Variants in LRRIQ3 observed in about 807,000 individuals in gnomAD.
The protein encoded by LRRIQ3 is leucine-rich repeat and IQ domain-containing protein 3.
A neutral mutation model predicts 59.3 loss-of-function variants in LRRIQ3; 75 were observed. The ratio of observed to expected loss-of-function variants is 1.26; its 90% CI spans 1.05 to 1.53. LRRIQ3 has a LOEUF of 1.53. Ranked by LOEUF, LRRIQ3 falls within the 40% of genes most tolerant of loss-of-function variation. The pLI, the probability that LRRIQ3 is intolerant of heterozygous loss-of-function variation, is 0.00. For missense variants in LRRIQ3, 831 were observed against 710.0 expected (o/e 1.17, Z -1.94); for synonymous variants, 250 against 231.3 (o/e 1.08, Z -0.73).
chr1:74,146,205 C>T (rs545640808), intron 4 of LRRIQ3, among the ~76,000 whole-genome samples: 127 of 152,194 alleles, frequency 8.3e-4, no homozygotes, highest in Middle Eastern at 3.4e-3. Flanking sequence ...CAACATGTTT[C>T]TCAGAATGCA....
In LRRIQ3 at chr1:74,160,750, C is replaced by T. The variant is rs75439048; in HGVS notation, c.574-4884G>A. On this transcript the variant is annotated intron_variant, in intron 3 of 7. Transcript: ENST00000354431. Reference sequence around the variant, plus strand: ...TCTGAAGCTCCTAACTGCTCTCACACGAGTCCTATCATATACCATTTGATA... The same window carrying T: ...TCTGAAGCTCCTAACTGCTCTCACATGAGTCCTATCATATACCATTTGATA... Among the ~76,000 whole-genome samples, 577 of 152,138 alleles carry T rather than the reference C, an allele frequency of 3.8e-3. 5 individuals carry two copies. Among genetic ancestry groups the T allele is most frequent in the African/African-American group, 0.013 (545 of 41,498 alleles).
At chr1:74,100,163 G>T (rs568356780) in intron 5 of LRRIQ3, among the ~76,000 whole-genome samples, 1 of 152,062 alleles carries the variant, frequency 6.6e-6, no homozygotes, top group Non-Finnish European at 1.5e-5. Context: ...AAACCCCATC[G>T]TCTCAGCCCC....
At chr1:74,109,245 C>T in intron 5 of LRRIQ3, 149 bp downstream of exon 5, 2 of 662,412 alleles carry the variant, frequency 3.0e-6, no homozygotes, top group Middle Eastern at 6.4e-4. Context: ...TACTATATAA[C>T]TTTTTTCAAT....
At chr1:74,130,242 C>T (rs543098301) in intron 4 of LRRIQ3, among the ~76,000 whole-genome samples, 6 of 152,150 alleles carry the variant, frequency 3.9e-5, no homozygotes, top group South Asian at 2.1e-4. Context: ...CACTTTAGCC[C>T]CGGGTAAGGT....
Position 74,110,467 on chromosome 1 carries a change from T to C in LRRIQ3, c.708-914A>G, listed in dbSNP as rs917153020. Among the ~76,000 whole-genome samples the C allele has an allele frequency of 4.6e-5, 7 of 152,098 alleles. No homozygotes were observed. In the East Asian group the frequency reaches 7.7e-4, roughly 17 times the overall value. On this transcript the variant is annotated intron_variant, in intron 4 of 7. Transcript: ENST00000354431. ...TATATAAGTACACACAGGAAAGTCA[T>C]TGGATAAAATTTAGCAGCCTATTTT...
At chr1:74,040,498 G>T (rs536399029) in intron 7 of LRRIQ3, among the ~76,000 whole-genome samples, 3 of 152,282 alleles carry the variant, frequency 2.0e-5, no homozygotes, top group Non-Finnish European at 4.4e-5. Context: ...ATTCTTCTCA[G>T]TGCCACATGG....
At chr1:74,126,707 G>A (rs2100599232) in intron 4 of LRRIQ3, among the ~76,000 whole-genome samples, 1 of 151,922 alleles carries the variant, frequency 6.6e-6, no homozygotes, top group African/African-American at 2.4e-5. Context: ...TGTCATCAGA[G>A]GAGACACTTG....
intron 4 of LRRIQ3, among the ~76,000 whole-genome samples, chr1:74,121,894 C>G (rs4570371): frequency 0.3 from 45,706 of 151,368 alleles, 7,583 homozygotes; most frequent in Middle Eastern, 0.45. Context: ...TCATCCATGT[C>G]CCTACAAAGG....
chr1:74,039,534 G>T (rs191881320), intron 7 of LRRIQ3, among the ~76,000 whole-genome samples: 1 of 151,994 alleles, frequency 6.6e-6, no homozygotes, highest in East Asian at 1.9e-4. Flanking sequence ...GGCAGCCAGA[G>T]AGAAAGGCCA....
At chr1:74,191,342 C>G (rs1166565994) in intron 1 of LRRIQ3, among the ~76,000 whole-genome samples, 1 of 151,924 alleles carries the variant, frequency 6.6e-6, no homozygotes, top group African/African-American at 2.4e-5. Context: ...ATACTCATAT[C>G]TATGTTAAGA....
intron 4 of LRRIQ3, among the ~76,000 whole-genome samples, chr1:74,114,138 C>T (rs1002853847): frequency 2.0e-5 from 3 of 151,650 alleles, no homozygotes; most frequent in African/African-American, 7.3e-5. Context: ...AGTGAAACTA[C>T]CTCAAATGGT....
At chr1:74,101,656 A>T (rs1329234483) in intron 5 of LRRIQ3, among the ~76,000 whole-genome samples, 2 of 152,172 alleles carry the variant, frequency 1.3e-5, no homozygotes, top group Admixed American at 1.3e-4. Context: ...CTTGGAACCA[A>T]CCCAAATGTC....
chr1:74,121,203 G>C (rs1646850365), intron 4 of LRRIQ3, among the ~76,000 whole-genome samples: 1 of 151,964 alleles, frequency 6.6e-6, no homozygotes, highest in African/African-American at 2.4e-5. Context: ...TTGCTTATTG[G>C]TCTACAGAGA....
intron 4 of LRRIQ3, among the ~76,000 whole-genome samples, chr1:74,140,774 T>C (rs1647223741): frequency 6.6e-6 from 1 of 151,832 alleles, no homozygotes; most frequent in Non-Finnish European, 1.5e-5. Context: ...GTTATTATCA[T>C]ATCAATGTGA....
intron 4 of LRRIQ3, among the ~76,000 whole-genome samples, chr1:74,127,584 AAG>A (rs1384336359): frequency 1.3e-5 from 2 of 151,946 alleles, no homozygotes; most frequent in African/African-American, 4.8e-5. Context: ...TAAACAAAAA[AAG>A]AGAATTGTAA....
chr1:74,030,989 C>T (rs1461924571), intron 7 of LRRIQ3, among the ~76,000 whole-genome samples: 1 of 152,156 alleles, frequency 6.6e-6, no homozygotes, highest in African/African-American at 2.4e-5. Context: ...GACATTTATG[C>T]AGCCAACAGA....
intron 5 of LRRIQ3, among the ~76,000 whole-genome samples, chr1:74,081,170 G>T (rs536919076): frequency 2.0e-5 from 3 of 151,524 alleles, no homozygotes; most frequent in South Asian, 2.1e-4. Flanking sequence ...ACGCAGGAGA[G>T]AATCCAAAAA....
At chr1:74,057,005 C>T (rs1654555741) in intron 6 of LRRIQ3, among the ~76,000 whole-genome samples, 1 of 152,110 alleles carries the variant, frequency 6.6e-6, no homozygotes, top group Non-Finnish European at 1.5e-5. Flanking sequence ...ACCTTGCTTC[C>T]CCTTTGCCTT....
At chr1:74,175,671 A>G (rs995808817) in intron 3 of LRRIQ3, among the ~76,000 whole-genome samples, 4 of 152,188 alleles carry the variant, frequency 2.6e-5, no homozygotes, top group Admixed American at 2.0e-4. Flanking sequence ...CAAAGGCATT[A>G]TTATCCATGA....
Sources: allele counts gnomAD v4.1 joint callset (sites outside exome capture counted in the v4.1 genomes callset), GRCh38; gene constraint gnomAD v4.1.1; transcripts MANE v1.5; gene names NCBI Gene and HGNC (gene_info 2026-07-23, HGNC 2026-07-21).